Variants in ANKRD30B observed in about 807,000 individuals in gnomAD.
The protein encoded by ANKRD30B is ankyrin repeat domain 30B.
ANKRD30B carries 144 observed loss-of-function variants against 202.2 expected under a neutral mutation model. That is an observed-to-expected ratio of 0.71 (90% confidence interval 0.62 to 0.82). ANKRD30B has a LOEUF of 0.82. ANKRD30B is among the 40% of genes least tolerant of loss of function. The pLI, the probability that ANKRD30B is intolerant of heterozygous loss-of-function variation, is 0.00. For missense variants in ANKRD30B, 1,487 were observed against 1,669.1 expected (o/e 0.89, Z 1.90); for synonymous variants, 508 against 561.3 (o/e 0.91, Z 1.34).
intron 11 of ANKRD30B, among the ~76,000 whole-genome samples, chr18:14,781,380 T>A (rs1011076963): frequency 6.7e-6 from 1 of 150,172 alleles, no homozygotes; most frequent in Non-Finnish European, 1.5e-5. Context: ...CTGCAAGTTC[T>A]GCCTCCTGGG....
chr18:14,760,509 A>G, intron 5 of ANKRD30B, 45 bp from the exon 6 acceptor site: 1 of 1,086,718 alleles, frequency 9.2e-7, no homozygotes, highest in Non-Finnish European at 1.3e-6. Flanking sequence ...TGTTTTTTAT[A>G]TCTTGTTAAA....
At chr18:14,932,352 T>G in the ANKRD30B span, among the ~76,000 whole-genome samples, 1 of 151,786 alleles carries the variant, frequency 6.6e-6, no homozygotes, top group Non-Finnish European at 1.5e-5. Flanking sequence ...TGTTGTTGTT[T>G]TTGAGACGGA....
At chr18:14,781,230 G>T (rs1483588539) in intron 11 of ANKRD30B, among the ~76,000 whole-genome samples, 2 of 149,638 alleles carry the variant, frequency 1.3e-5, no homozygotes, top group African/African-American at 4.9e-5. Flanking sequence ...AAAACATTTT[G>T]ATTATTTTAA....
intron 16 of ANKRD30B, among the ~76,000 whole-genome samples, chr18:14,795,550 A>G (rs746302151): frequency 3.4e-4 from 51 of 152,176 alleles, no homozygotes; most frequent in Non-Finnish European, 6.6e-4. Flanking sequence ...GTGGATCAGG[A>G]AATTTTGAGA....
In ANKRD30B at chr18:14,766,862, G is replaced by T. The variant is rs2143765406; in HGVS notation, c.1226-2481G>T. Among the ~76,000 whole-genome samples, 2 of 152,276 alleles carry T rather than the reference G, an allele frequency of 1.3e-5. 1 individual carries two copies. The highest frequency in any genetic ancestry group is 4.1e-4 in the South Asian group (2 of 4,828). ...GTGGCTAATGAAAAGTAGGAGAGGA[G>T]TTACTTTTAAATGTGAGAATTTCAA... On this transcript the variant is annotated intron_variant, in intron 7 of 43. Transcript: ENST00000690538.
chr18:14,769,166 G>C (rs539832174), intron 7 of ANKRD30B, among the ~76,000 whole-genome samples, 177 bp from the exon 8 acceptor site: 3 of 152,082 alleles, frequency 2.0e-5, no homozygotes, highest in Admixed American at 1.3e-4. Flanking sequence ...TTGAAGTCTC[G>C]CAATGTCTCC....
chr18:14,927,442 G>T, the ANKRD30B span, among the ~76,000 whole-genome samples: 1 of 152,100 alleles, frequency 6.6e-6, no homozygotes, highest in African/African-American at 2.4e-5. Context: ...TGCACATACT[G>T]AGCATTCAAT....
chr18:14,867,977 G>C, the ANKRD30B span, among the ~76,000 whole-genome samples: 2 of 152,374 alleles, frequency 1.3e-5, no homozygotes, highest in African/African-American at 4.8e-5. Flanking sequence ...TGAGCTGGAG[G>C]TTGGAGCCTG....
At chr18:14,823,567 C>A (rs996871409) in intron 32 of ANKRD30B, among the ~76,000 whole-genome samples, 1 of 151,934 alleles carries the variant, frequency 6.6e-6, no homozygotes, top group African/African-American at 2.4e-5. Context: ...GTTTTAGAAG[C>A]GTGACTCTAA....
At chr18:14,867,839 C>T in the ANKRD30B span, among the ~76,000 whole-genome samples, 12 of 152,330 alleles carry the variant, frequency 7.9e-5, no homozygotes, top group East Asian at 2.1e-3. Context: ...CTGGCCCCAG[C>T]CACCCAGTGG....
chr18:14,891,799 C>T, the ANKRD30B span, among the ~76,000 whole-genome samples: 1 of 152,188 alleles, frequency 6.6e-6, no homozygotes, highest in Non-Finnish European at 1.5e-5. Flanking sequence ...TTAGAGCACT[C>T]TATTTGGTAA....
At chr18:14,840,799 A>T in intron 37 of ANKRD30B, 121 bp downstream of exon 37, 1 of 482,386 alleles carries the variant, frequency 2.1e-6, no homozygotes, top group East Asian at 4.1e-5. Context: ...GGAAGAACAA[A>T]GGCAGTGAAA....
At chr18:14,752,467 G>A in intron 1 of ANKRD30B, 99 bp from the exon 2 acceptor site, 1 of 818,344 alleles carries the variant, frequency 1.2e-6, no homozygotes, top group Non-Finnish European at 1.9e-6. Context: ...TTTGAAGGTA[G>A]AGAAAGAGCA....
chr18:14,799,237 G>A lies in ANKRD30B; in HGVS notation c.2073G>A (p.Arg691=). ...AACCCATTTAGCCTACCTGTGGAAG[G>A]AAAGTTTCTCTTCCAAATAAAGCTT... The part of the protein sequence containing the change: ...NDGLLKPTCG[R]KVSLPNKALE... The change falls in exon 22 of 44, where the codon AGG becomes AGA. Residue 691 remains arginine (R), a synonymous_variant. Transcript: ENST00000690538. 9.6e-6 allele frequency: 15 copies of A among 1,566,128 alleles called. No homozygotes were observed. Among genetic ancestry groups the A allele is most frequent in the Non-Finnish European group, 1.3e-5 (15 of 1,157,692 alleles).
Position 14,784,529 on chromosome 18 carries a change from A to T in ANKRD30B, c.1666A>T (p.Arg556Ter). 3 of 1,612,752 alleles carry T rather than the reference A, an allele frequency of 1.9e-6. No individual in the cohort carries two copies. The highest frequency in any genetic ancestry group is 2.5e-6 in the Non-Finnish European group (3 of 1,179,086). Residue 556 changes from arginine (R) to a stop codon, truncating the protein, a stop_gained, in exon 14 of 44, where the codon AGA becomes TGA. Transcript: ENST00000690538. LOFTEE classifies it high-confidence loss of function. ...AFELKNEQTL[R>*]AAQMFPSESK... is the part of the protein sequence containing the mutation. ...TGAATTGAAGAATGAACAAACATTG[A>T]GAGCAGGTAAATTTTTCAATTTAAC...
At chr18:14,912,155 T>C in the ANKRD30B span, among the ~76,000 whole-genome samples, 2 of 152,210 alleles carry the variant, frequency 1.3e-5, no homozygotes, top group African/African-American at 2.4e-5. Flanking sequence ...CAGTACTATG[T>C]TGAGTAAGAG....
the ANKRD30B span, among the ~76,000 whole-genome samples, chr18:14,936,649 G>A: frequency 1.3e-5 from 2 of 152,154 alleles, no homozygotes; most frequent in African/African-American, 4.8e-5. Flanking sequence ...AGGCTGTGGG[G>A]CAGACAATAA....
chr18:14,833,405 C>A (rs1009699934), intron 34 of ANKRD30B, among the ~76,000 whole-genome samples: 1 of 151,962 alleles, frequency 6.6e-6, no homozygotes, highest in Non-Finnish European at 1.5e-5. Flanking sequence ...TCCGCCACCA[C>A]GCCCAGCTAA....
At chr18:14,898,972 G>A in the ANKRD30B span, among the ~76,000 whole-genome samples, 11 of 152,118 alleles carry the variant, frequency 7.2e-5, no homozygotes, top group African/African-American at 2.2e-4. Flanking sequence ...GCAAGAACTG[G>A]ACTGATATAG....
Sources: allele counts gnomAD v4.1 joint callset (sites outside exome capture counted in the v4.1 genomes callset), GRCh38; gene constraint gnomAD v4.1.1; transcripts MANE v1.5; gene names NCBI Gene and HGNC (gene_info 2026-07-23, HGNC 2026-07-21).